The following LRRC7 variants were observed in gnomAD, a reference collection of about 807,000 sequenced individuals.
LRRC7 encodes leucine-rich repeat-containing protein 7.
In LRRC7, 23 loss-of-function variants were observed where a neutral mutation model predicts 175.7. The observed-to-expected ratio is 0.13, with a 90% CI of 0.09 to 0.19. LRRC7 has a LOEUF of 0.19. LRRC7 is among the 10% of genes least tolerant of loss of function. The pLI, the probability that LRRC7 is intolerant of heterozygous loss-of-function variation, is 1.00. For synonymous variants in LRRC7, 685 were observed against 680.9 expected (o/e 1.01, Z -0.09); for missense variants, 1,354 against 1,904.7 (o/e 0.71, Z 5.38).
intron 10 of LRRC7, among the ~76,000 whole-genome samples, chr1:69,991,492 A>C (rs1654434242): frequency 6.6e-6 from 1 of 152,178 alleles, no homozygotes; most frequent in South Asian, 2.1e-4. Flanking sequence ...GAGTTGCCAC[A>C]GTCCCTGATT....
Position 70,130,440 on chromosome 1 carries a change from C to T in LRRC7, c.*8553C>T, listed in dbSNP as rs886532459. ...GATCTTCAGTTTGTGTAACCTTAAA[C>T]TACCAACCTTTCATCTTCTCAGTTG... On this transcript the variant is annotated 3_prime_UTR_variant, in exon 27 of 27. Transcript: ENST00000651989. Among the ~76,000 whole-genome samples, 2 of 152,182 alleles carry T rather than the reference C, an allele frequency of 1.3e-5. No homozygotes were observed. Among genetic ancestry groups the T allele is most frequent in the Non-Finnish European group, 2.9e-5 (2 of 68,040 alleles).
At chr1:70,032,246 A>G (rs1389812944) in intron 18 of LRRC7, among the ~76,000 whole-genome samples, 1 of 152,176 alleles carries the variant, frequency 6.6e-6, no homozygotes, top group African/African-American at 2.4e-5. Flanking sequence ...GTTAATTGCA[A>G]CAACACCCAT....
intron 6 of LRRC7, 35 bp downstream of exon 6, chr1:69,834,904 C>T: frequency 6.5e-7 from 1 of 1,536,976 alleles, no homozygotes; most frequent in Non-Finnish European, 9.0e-7. Context: ...GCAATTATAT[C>T]TCACCTTAGG....
At chr1:69,707,335 G>A (rs946861893) in intron 2 of LRRC7, among the ~76,000 whole-genome samples, 6 of 152,140 alleles carry the variant, frequency 3.9e-5, no homozygotes, top group African/African-American at 1.2e-4. Flanking sequence ...AGAATAAATA[G>A]CCAACCCTCT....
intron 1 of LRRC7, among the ~76,000 whole-genome samples, chr1:69,642,136 AT>A (rs1342529911): frequency 6.6e-6 from 1 of 152,012 alleles, no homozygotes; most frequent in African/African-American, 2.4e-5. Flanking sequence ...GCCTATTGCT[AT>A]TATGATAATT....
chr1:69,800,644 CTT>C (rs756486770), intron 4 of LRRC7, among the ~76,000 whole-genome samples: 11 of 151,794 alleles, frequency 7.2e-5, no homozygotes, highest in Non-Finnish European at 1.6e-4. Context: ...TTTGAGGAGT[CTT>C]TAGGGTTTTC....
At position 69,568,058 on chromosome 1, in the gene LRRC7, G is replaced by GGCCACC. The variant is rs1270100876; in HGVS notation, c.-572_-567dup. The stretch of plus-strand genomic sequence containing the variant: ...GGCGGGACCTGCAGCCGCCCACTCG[G>GGCCACC]GCCACCGCCACCGCCTCCTGCAGTT... On this transcript the variant is annotated 5_prime_UTR_variant, in exon 1 of 27. Transcript: ENST00000651989. Among the ~76,000 whole-genome samples the GGCCACC allele has an allele frequency of 1.3e-5, 2 of 152,078 alleles. No homozygotes were observed. The highest frequency in any genetic ancestry group is 6.5e-5 in the Admixed American group (1 of 15,278).
intron 2 of LRRC7, among the ~76,000 whole-genome samples, chr1:69,751,170 T>C (rs1290084001): frequency 1.3e-5 from 2 of 152,216 alleles, no homozygotes; most frequent in Admixed American, 1.3e-4. Flanking sequence ...ATAGCAATTA[T>C]AATATGCAAT....
At chr1:69,909,344 G>C in intron 7 of LRRC7, among the ~76,000 whole-genome samples, 1 of 152,146 alleles carries the variant, frequency 6.6e-6, no homozygotes, top group African/African-American at 2.4e-5. Context: ...CTCGTTAGTT[G>C]ATGCAGTTTT....
At chr1:69,579,399 G>C (rs1646100558) in intron 1 of LRRC7, among the ~76,000 whole-genome samples, 1 of 152,032 alleles carries the variant, frequency 6.6e-6, no homozygotes, top group Admixed American at 6.6e-5. Flanking sequence ...TAAACTGTGT[G>C]ATTTGTGTGA....
rs1037720201 is a variant in LRRC7, at chr1:70,143,003, A to AAAG, written c.*21120_*21122dup. 5 of 152,112 alleles carry AAAG rather than the reference A, an allele frequency of 3.3e-5. No homozygotes were observed. Among genetic ancestry groups the AAAG allele is most frequent in the Non-Finnish European group, 5.9e-5 (4 of 67,976 alleles). 9.4% of individuals were successfully genotyped at this position (152,112 alleles called of 1,614,324 possible). On this transcript the variant is annotated 3_prime_UTR_variant, in exon 27 of 27. Coordinates refer to ENST00000651989, the MANE Select transcript of LRRC7 (RefSeq NM_001370785.2). ...GGGCATAATCCTTTTACTACTCTAT[A>AAAG]AAGAAGTTCTACTTCTACCTATATG...
chr1:69,701,055 G>A (rs1258404913), intron 2 of LRRC7, among the ~76,000 whole-genome samples: 2 of 152,124 alleles, frequency 1.3e-5, no homozygotes, highest in Non-Finnish European at 2.9e-5. Flanking sequence ...AACTACAAGT[G>A]ATTGCATTAG....
chr1:69,612,108 C>A (rs1648856339), intron 1 of LRRC7, among the ~76,000 whole-genome samples: 2 of 151,926 alleles, frequency 1.3e-5, no homozygotes, highest in Admixed American at 6.6e-5. Flanking sequence ...TAGAATAATT[C>A]CTATGCTACC....
At chr1:69,951,087 C>CAA (rs1478628574) in intron 8 of LRRC7, among the ~76,000 whole-genome samples, 1 of 146,186 alleles carries the variant, frequency 6.8e-6, no homozygotes, top group Non-Finnish European at 1.5e-5. Context: ...GGAACTTAAA[C>CAA]AAATTTACAA....
chr1:69,754,336 T>C (rs989937401), intron 2 of LRRC7, among the ~76,000 whole-genome samples: 8 of 152,134 alleles, frequency 5.3e-5, no homozygotes, highest in African/African-American at 1.9e-4. Context: ...AATAGGCAGT[T>C]GCGATGAAGA....
intron 4 of LRRC7, among the ~76,000 whole-genome samples, chr1:69,795,187 C>G (rs963556951): frequency 5.3e-5 from 8 of 152,144 alleles, no homozygotes; most frequent in African/African-American, 7.2e-5. Flanking sequence ...TGAGACCAGC[C>G]AGGCCAACAT....
At position 69,673,314 on chromosome 1, in the gene LRRC7, G is replaced by C. The variant is rs148606784; in HGVS notation, c.3-5067G>C. Among the ~76,000 whole-genome samples the C allele has an allele frequency of 6.9e-3, 1,051 of 152,274 alleles. 5 individuals are homozygous for C. Among genetic ancestry groups the C allele is most frequent in the African/African-American group, 0.024 (995 of 41,550 alleles). On this transcript the variant is annotated intron_variant, in intron 1 of 26. Transcript: ENST00000651989. ...TCATGGACACTTTTTGCTTATAACT[G>C]TTAATTGCTATTTCATGCTATTTGA...
intron 4 of LRRC7, among the ~76,000 whole-genome samples, chr1:69,816,328 A>G (rs779742313): frequency 2.2e-4 from 33 of 152,180 alleles, no homozygotes; most frequent in Non-Finnish European, 4.3e-4. Flanking sequence ...AGGCTCTGCT[A>G]TCATGACCTA....
chr1:69,964,751 T>G (rs1340559078), intron 8 of LRRC7, among the ~76,000 whole-genome samples: 1 of 152,220 alleles, frequency 6.6e-6, no homozygotes, highest in Non-Finnish European at 1.5e-5. Context: ...AGTTCTTAAC[T>G]GAGGATAAAG....
Sources: gnomAD v4.1 joint callset for allele counts (sites outside exome capture counted in the v4.1 genomes callset) on GRCh38, gnomAD v4.1.1 for gene constraint, MANE v1.5 for transcripts, NCBI Gene and HGNC (gene_info 2026-07-23, HGNC 2026-07-21) for gene names.